Variants in SLC38A6 observed in about 807,000 individuals in gnomAD.
The protein encoded by SLC38A6 is solute carrier family 38 member 6, also known as N system amino acid transporter NAT-1.
In SLC38A6, 73 loss-of-function variants were observed where a neutral mutation model predicts 65.0. The observed-to-expected ratio is 1.12, with a 90% CI of 0.93 to 1.37. The LOEUF is 1.37. Among genes scored for constraint, SLC38A6 ranks in the 40% most tolerant of loss-of-function variants. The pLI, the probability that SLC38A6 is intolerant of heterozygous loss-of-function variation, is 0.00. For missense variants in SLC38A6, 561 were observed against 531.1 expected, an observed-to-expected ratio of 1.06 and a Z score of -0.55; for synonymous variants, 183 against 178.8, an observed-to-expected ratio of 1.02 and a Z score of -0.19.
chr14:61,050,747 T>C (rs2042462652), intron 13 of SLC38A6, 111 bp downstream of exon 13: 7 of 1,021,004 alleles, frequency 6.9e-6, no homozygotes, highest in Non-Finnish European at 6.5e-6. Context: ...GTATATCTTA[T>C]TCACTTGTCA....
chr14:60,989,917 C>T (rs1338301289), intron 3 of SLC38A6, among the ~76,000 whole-genome samples: 1 of 152,164 alleles, frequency 6.6e-6, no homozygotes, highest in Non-Finnish European at 1.5e-5. Context: ...TTTCCTAGTT[C>T]TTCCTGTTTC....
intron 5 of SLC38A6, 49 bp from the exon 6 acceptor site, chr14:61,030,396 G>C: frequency 7.3e-7 from 1 of 1,367,806 alleles, no homozygotes; most frequent in Non-Finnish European, 1.0e-6. Flanking sequence ...TTGTTTAAAT[G>C]GTTAAGAATC....
intron 5 of SLC38A6, among the ~76,000 whole-genome samples, chr14:61,026,880 A>G (rs2040640139): frequency 6.6e-6 from 1 of 152,140 alleles, no homozygotes; most frequent in Non-Finnish European, 1.5e-5. Flanking sequence ...TACAGTAGGC[A>G]TCTAAAAAAC....
At chr14:61,053,015 T>A (rs2042587614), downstream of SLC38A6, 1 of 152,058 alleles carries the variant, frequency 6.6e-6, no homozygotes, top group African/African-American at 2.4e-5. Flanking sequence ...TTAGTTACGT[T>A]TTCTGCTCCT....
chr14:60,981,476 G>T (rs760378381), intron 1 of SLC38A6, 94 bp downstream of exon 1: 2 of 1,539,742 alleles, frequency 1.3e-6, no homozygotes, highest in Non-Finnish European at 1.7e-6. Context: ...ACCGCACCGG[G>T]ACAGGGGAGA....
At chr14:61,002,177 A>T (rs1165586090) in intron 3 of SLC38A6, 1 of 152,216 alleles carries the variant, frequency 6.6e-6, no homozygotes, top group Non-Finnish European at 1.5e-5. Context: ...GAATGTTCCT[A>T]GTATTCTAGC....
chr14:60,996,139 T>C (rs1348023260), intron 3 of SLC38A6, among the ~76,000 whole-genome samples: 1 of 152,164 alleles, frequency 6.6e-6, no homozygotes, highest in East Asian at 1.9e-4. Context: ...GCAGGAGGTA[T>C]ATGGGAACTC....
intron 16 of SLC38A6, among the ~76,000 whole-genome samples, chr14:61,080,108 T>TAACAAC (rs930861374): frequency 1.3e-5 from 2 of 152,128 alleles, no homozygotes; most frequent in South Asian, 2.1e-4. Context: ...TAAAAGGCAA[T>TAACAAC]AACAACAACA....
At chr14:61,029,501 C>T (rs2040818362) in intron 5 of SLC38A6, among the ~76,000 whole-genome samples, 1 of 152,134 alleles carries the variant, frequency 6.6e-6, no homozygotes, top group Non-Finnish European at 1.5e-5. Flanking sequence ...GAGAATCTTA[C>T]TCTGTTAAAT....
At chr14:61,043,576 G>GTC in intron 10 of SLC38A6, 73 bp downstream of exon 10, 2 of 1,067,770 alleles carry the variant, frequency 1.9e-6, no homozygotes, top group South Asian at 2.9e-5. Flanking sequence ...GTGTAACAGG[G>GTC]TCTCTTAGGT....
chr14:61,017,933 A>G (rs539158911), intron 4 of SLC38A6, among the ~76,000 whole-genome samples: 1 of 152,332 alleles, frequency 6.6e-6, no homozygotes, highest in East Asian at 1.9e-4. Flanking sequence ...GGATAATATT[A>G]TGATAAAGAA....
Position 61,011,811 on chromosome 14 carries a change from G to A in SLC38A6, c.311-4093G>A, listed in dbSNP as rs1322889412. 3.3e-5 allele frequency among the ~76,000 whole-genome samples: 5 copies of A among 152,062 alleles called. No individual in the cohort carries two copies. The South Asian group carries it at 6.2e-4, about 19-fold the overall frequency. The stretch of plus-strand genomic sequence containing the variant: ...GTATTTTATTGAGGATTTTTGCATC[G>A]ATGTTCATCAGGGATATTGGTCTAA... On this transcript the variant is annotated intron_variant, in intron 3 of 15. Coordinates refer to ENST00000267488, the MANE Select transcript of SLC38A6 (RefSeq NM_153811.3).
intron 8 of SLC38A6, among the ~76,000 whole-genome samples, chr14:61,041,921 T>G (rs1295549750): frequency 6.6e-6 from 1 of 151,884 alleles, no homozygotes; most frequent in African/African-American, 2.4e-5. Context: ...GAAAAGAAAC[T>G]GAATTTGGAG....
chr14:61,071,375 A>G (rs1032204834), intron 15 of SLC38A6, among the ~76,000 whole-genome samples: 2 of 152,140 alleles, frequency 1.3e-5, no homozygotes, highest in Non-Finnish European at 2.9e-5. Context: ...GTATTACTAC[A>G]TTGACCTTCA....
chr14:61,022,107 G>T (rs1314051467), intron 5 of SLC38A6, among the ~76,000 whole-genome samples: 1 of 151,920 alleles, frequency 6.6e-6, no homozygotes, highest in East Asian at 1.9e-4. Context: ...TGGCACATTG[G>T]GAGGCATATT....
At chr14:61,006,013 A>G (rs1264307569) in intron 3 of SLC38A6, among the ~76,000 whole-genome samples, 1 of 151,988 alleles carries the variant, frequency 6.6e-6, no homozygotes, top group African/African-American at 2.4e-5. Context: ...GAGCCCTCAG[A>G]AATAATGCCG....
intron 3 of SLC38A6, among the ~76,000 whole-genome samples, chr14:60,990,800 C>T (rs1243603825): frequency 6.6e-6 from 1 of 152,020 alleles, no homozygotes; most frequent in African/African-American, 2.4e-5. Flanking sequence ...CTAACCTCAG[C>T]CTCCTGAGCA....
chr14:60,988,802 A>G (rs1468925518), intron 3 of SLC38A6, among the ~76,000 whole-genome samples: 1 of 152,204 alleles, frequency 6.6e-6, no homozygotes, highest in Non-Finnish European at 1.5e-5. Flanking sequence ...CCCTTGAACC[A>G]TCATATTTCC....
chr14:61,015,064 A>G (rs769339407), intron 3 of SLC38A6, among the ~76,000 whole-genome samples: 1 of 152,120 alleles, frequency 6.6e-6, no homozygotes, highest in Non-Finnish European at 1.5e-5. Flanking sequence ...TTCTTTACCT[A>G]TTGAAGCCTC....
Sources: gnomAD v4.1 joint callset for allele counts (sites outside exome capture counted in the v4.1 genomes callset) on GRCh38, gnomAD v4.1.1 for gene constraint, MANE v1.5 for transcripts, NCBI Gene and HGNC (gene_info 2026-07-23, HGNC 2026-07-21) for gene names.